Variants in NYAP2 observed in about 807,000 individuals in gnomAD.
NYAP2 encodes neuronal tyrosine-phosphorylated phosphoinositide-3-kinase adapter 2.
A neutral mutation model predicts 50.4 loss-of-function variants in NYAP2; 23 were observed. That is an observed-to-expected ratio of 0.46 (90% CI 0.33 to 0.65). The LOEUF (loss-of-function observed/expected upper bound fraction) is 0.65, where lower values mean the gene tolerates loss of function less well. Ranked by LOEUF, NYAP2 falls within the 30% of genes least tolerant of loss-of-function variation. The pLI, the probability that NYAP2 is intolerant of heterozygous loss-of-function variation, is 0.02. For missense variants in NYAP2, 885 were observed against 861.0 expected (o/e 1.03, Z -0.35); for synonymous variants, 394 against 365.2 (o/e 1.08, Z -0.90).
At chr2:225,577,806 A>G (rs77079777) in intron 4 of NYAP2, among the ~76,000 whole-genome samples, 1 of 147,930 alleles carries the variant, frequency 6.8e-6, no homozygotes, top group African/African-American at 2.5e-5. Flanking sequence ...TGAAAAGCAG[A>G]TTTTTTTTTT....
intron 5 of NYAP2, among the ~76,000 whole-genome samples, chr2:225,601,959 T>C (rs969266330): frequency 6.6e-5 from 10 of 152,354 alleles, no homozygotes; most frequent in African/African-American, 2.4e-4. Flanking sequence ...CAAATCCAAA[T>C]GCAGTCTTGT....
chr2:225,478,587 G>A (rs1690156389), intron 3 of NYAP2, among the ~76,000 whole-genome samples: 1 of 152,026 alleles, frequency 6.6e-6, no homozygotes, highest in South Asian at 2.1e-4. Flanking sequence ...CTGAAGGTGG[G>A]GATACCCCTT....
At chr2:225,665,872 C>A in the NYAP2 span, among the ~76,000 whole-genome samples, 19 of 125,150 alleles carry the variant, frequency 1.5e-4, no homozygotes, top group African/African-American at 5.7e-4. Context: ...GTAAGTGAGG[C>A]AAACGAGGTG....
chr2:225,414,442 A>G (rs1695091768), intron 3 of NYAP2, among the ~76,000 whole-genome samples: 1 of 152,176 alleles, frequency 6.6e-6, no homozygotes, highest in Non-Finnish European at 1.5e-5. Flanking sequence ...AAAAACCTAT[A>G]AGAAAACAAA....
At chr2:225,585,934 C>T (rs1692382721) in intron 5 of NYAP2, among the ~76,000 whole-genome samples, 1 of 152,146 alleles carries the variant, frequency 6.6e-6, no homozygotes, top group African/African-American at 2.4e-5. Flanking sequence ...CCTGTTGATA[C>T]CTTAGGGACA....
At chr2:225,687,150 G>A in the NYAP2 span, among the ~76,000 whole-genome samples, 1 of 152,016 alleles carries the variant, frequency 6.6e-6, no homozygotes, top group Non-Finnish European at 1.5e-5. Context: ...TCTTCTATTA[G>A]GCATGTGATG....
intron 5 of NYAP2, among the ~76,000 whole-genome samples, chr2:225,584,692 CT>C (rs1692360660): frequency 2.0e-5 from 3 of 152,236 alleles, no homozygotes; most frequent in East Asian, 1.9e-4. Flanking sequence ...GCCACTAATT[CT>C]TTTTTTCCCT....
chr2:225,509,839 TG>T (rs1690779032), intron 3 of NYAP2, among the ~76,000 whole-genome samples: 1 of 152,202 alleles, frequency 6.6e-6, no homozygotes, highest in Non-Finnish European at 1.5e-5. Context: ...CCATCACAGC[TG>T]CCAGGTATTT....
intron 4 of NYAP2, among the ~76,000 whole-genome samples, chr2:225,567,885 T>C (rs1288926515): frequency 1.3e-5 from 2 of 152,184 alleles, no homozygotes; most frequent in Non-Finnish European, 2.9e-5. Flanking sequence ...GGCATGCTAT[T>C]AGAGGAAGAA....
chr2:225,451,479 G>A lies in NYAP2; in HGVS notation c.221+42378G>A, dbSNP rs540906040. ...TATGATAACTTAGATCTGGCACAAT[G>A]CCATCACTACTTATTATATATATAT... On this transcript the variant is annotated intron_variant, in intron 3 of 6. Transcript: ENST00000636099. Among the ~76,000 whole-genome samples, 17 of 152,184 alleles carry A rather than the reference G, an allele frequency of 1.1e-4. No homozygotes were observed. The East Asian group carries it at 3.3e-3, about 29-fold the overall frequency.
At chr2:225,400,374 G>A (rs1424589700) in intron 1 of NYAP2, 119 bp downstream of exon 1, 1 of 144,278 alleles carries the variant, frequency 6.9e-6, no homozygotes, top group Non-Finnish European at 1.5e-5. Context: ...GGGAGGGAGG[G>A]AGTGGAGGGA....
the NYAP2 span, among the ~76,000 whole-genome samples, chr2:225,689,604 A>G: frequency 6.6e-6 from 1 of 152,164 alleles, no homozygotes; most frequent in African/African-American, 2.4e-5. Flanking sequence ...CTAAATTTAG[A>G]CATGGGAAAT....
intron 5 of NYAP2, among the ~76,000 whole-genome samples, chr2:225,586,153 G>A (rs1410278583): frequency 6.6e-6 from 1 of 152,054 alleles, no homozygotes; most frequent in Non-Finnish European, 1.5e-5. Context: ...TAAGGAAAAC[G>A]ATGTCAAATA....
At chr2:225,535,955 ATAAACACTCAT>A (rs1691342275) in intron 4 of NYAP2, among the ~76,000 whole-genome samples, 2 of 152,346 alleles carry the variant, frequency 1.3e-5, no homozygotes, top group African/African-American at 4.8e-5. Flanking sequence ...TAGACTCTAT[ATAAACACTCAT>A]TAAATGTTTG....
At chr2:225,500,634 C>CA (rs1690588578) in intron 3 of NYAP2, among the ~76,000 whole-genome samples, 1 of 152,174 alleles carries the variant, frequency 6.6e-6, no homozygotes, top group Non-Finnish European at 1.5e-5. Flanking sequence ...TCTTAAGACA[C>CA]TATTATCAGA....
At chr2:225,515,350 G>T (rs751181119) in intron 4 of NYAP2, among the ~76,000 whole-genome samples, 1 of 152,072 alleles carries the variant, frequency 6.6e-6, no homozygotes, top group Middle Eastern at 3.2e-3. Context: ...TGTGCAATTT[G>T]TCAAGAAACA....
intron 4 of NYAP2, among the ~76,000 whole-genome samples, chr2:225,551,690 T>C (rs1324223272): frequency 6.6e-6 from 1 of 152,214 alleles, no homozygotes; most frequent in Non-Finnish European, 1.5e-5. Context: ...GGCCAGTATA[T>C]TAAGGCCTAA....
chr2:225,430,349 G>T (rs1695348215), intron 3 of NYAP2, among the ~76,000 whole-genome samples: 1 of 152,072 alleles, frequency 6.6e-6, no homozygotes, highest in South Asian at 2.1e-4. Context: ...CAAATTATTG[G>T]AATCTGCCCA....
chr2:225,576,502 A>G (rs1383079042), intron 4 of NYAP2, among the ~76,000 whole-genome samples: 1 of 152,216 alleles, frequency 6.6e-6, no homozygotes, highest in Non-Finnish European at 1.5e-5. Context: ...GTGAGTTGTG[A>G]AAAGAGTTAT....
Sources: gnomAD v4.1 joint callset for allele counts (sites outside exome capture counted in the v4.1 genomes callset) on GRCh38, gnomAD v4.1.1 for gene constraint, MANE v1.5 for transcripts, NCBI Gene and HGNC (gene_info 2026-07-23, HGNC 2026-07-21) for gene names.